BROX: variants seen among roughly 807,000 people sequenced by gnomAD.
BROX encodes BRO1 domain and CAAX motif containing, also known as BRO1 domain-containing protein BROX.
A neutral mutation model predicts 61.0 loss-of-function variants in BROX; 53 were observed. The observed-to-expected ratio is 0.87, with a 90% CI of 0.70 to 1.09. The LOEUF (loss-of-function observed/expected upper bound fraction) is 1.09. Ranked by LOEUF, BROX falls within the 50% of genes least tolerant of loss-of-function variation. The probability of loss-of-function intolerance (pLI) is 0.00; values close to 1 mark genes in which losing one functional copy is unlikely to be tolerated. For missense variants in BROX, 489 were observed against 472.0 expected, an observed-to-expected ratio of 1.04 and a Z score of -0.33; for synonymous variants, 152 against 160.2, an observed-to-expected ratio of 0.95 and a Z score of 0.38.
chr1:222,727,074 A>C, intron 7 of BROX, 94 bp from the exon 8 acceptor site: 2 of 868,562 alleles, frequency 2.3e-6, no homozygotes, highest in Non-Finnish European at 3.7e-6. Context: ...AAAATCCCAG[A>C]GAGATTATCA....
chr1:222,724,184 A>G lies in BROX; in HGVS notation c.474+20A>G. On this transcript the variant is annotated intron_variant, in intron 6 of 12. Transcript: ENST00000340934. ...TTAAAGGTAAAACAAACAAACAAAA[A>G]CCATTATTTGTTCTTAATGCTTTAA... is the stretch of plus-strand genomic sequence containing the variant. 6.3e-7 allele frequency: 1 copy of G among 1,577,408 alleles called. No homozygotes were observed. Among genetic ancestry groups the G allele is most frequent in the Non-Finnish European group, 8.6e-7 (1 of 1,156,080 alleles).
At chr1:222,716,847 G>A (rs940405031) in intron 2 of BROX, among the ~76,000 whole-genome samples, 1 of 152,242 alleles carries the variant, frequency 6.6e-6, no homozygotes, top group African/African-American at 2.4e-5. Flanking sequence ...ATAGTGAGTA[G>A]AGCAGTTTGG....
intron 1 of BROX, among the ~76,000 whole-genome samples, chr1:222,715,432 G>T (rs999844036): frequency 6.6e-6 from 1 of 152,168 alleles, no homozygotes; most frequent in Non-Finnish European, 1.5e-5. Context: ...CTGAGGCCGG[G>T]CGCGGTGGCT....
intron 2 of BROX, among the ~76,000 whole-genome samples, chr1:222,717,707 A>C (rs980013288): frequency 1.3e-5 from 2 of 152,234 alleles, no homozygotes; most frequent in South Asian, 4.1e-4. Context: ...GTACTAATCA[A>C]TAAGACTCAA....
At chr1:222,717,068 G>A (rs1432398778) in intron 2 of BROX, among the ~76,000 whole-genome samples, 1 of 152,158 alleles carries the variant, frequency 6.6e-6, no homozygotes, top group Non-Finnish European at 1.5e-5. Context: ...AGGATAATTG[G>A]CTTATTAATC....
rs147254654 is a variant in BROX, at chr1:222,731,483, A to T, written c.1116A>T (p.Ala372=). The change falls in exon 12 of 13, where the codon GCA becomes GCT. Residue 372 remains alanine (A), a synonymous_variant. Transcript: ENST00000340934. ...AGTGGACACCAGAAACATTGGCTGC[A>T]TTTGATCTCACCAAAAGACCCAAGG... ...SVQWTPETLA[A]FDLTKRPKDD... is the part of the protein sequence containing the mutation. The T allele has an allele frequency of 1.6e-4, 253 of 1,599,728 alleles. No homozygotes were observed. The African/African-American group carries it at 2.6e-3, about 16-fold the overall frequency.
At chr1:222,713,243 C>G in intron 1 of BROX, 1 of 986,338 alleles carries the variant, frequency 1.0e-6, no homozygotes, top group South Asian at 4.5e-5. Flanking sequence ...GGCCACCTCT[C>G]CCGGGTTGAC....
intron 6 of BROX, 130 bp downstream of exon 6, chr1:222,724,294 T>G: frequency 1.4e-6 from 1 of 726,530 alleles, no homozygotes; most frequent in Non-Finnish European, 2.2e-6. Flanking sequence ...TCTGTTTTCC[T>G]TATGTTAAGT....
At chr1:222,728,663 T>C in intron 8 of BROX, 80 bp from the exon 9 acceptor site, 2 of 856,390 alleles carry the variant, frequency 2.3e-6, no homozygotes, top group South Asian at 4.5e-5. Flanking sequence ...TTTCTGCTTT[T>C]ATCATCAGAA....
chr1:222,724,202 T>C (rs763286548), intron 6 of BROX, 38 bp downstream of exon 6: 1 of 1,503,270 alleles, frequency 6.7e-7, no homozygotes, highest in South Asian at 1.2e-5. Context: ...TTGTTCTTAA[T>C]GCTTTAATTC....
Position 222,719,375 on chromosome 1 carries a change from G to C in BROX, c.305+16G>C, listed in dbSNP as rs749554906. 3.9e-6 allele frequency: 6 copies of C among 1,556,606 alleles called. No individual in the cohort carries two copies. Among genetic ancestry groups the C allele is most frequent in the Non-Finnish European group, 1.8e-6 (2 of 1,129,812 alleles). The stretch of plus-strand genomic sequence containing the variant: ...AGGTTCCAAGGTAAGCAACACTAAA[G>C]TAATACTAAATTGGAGCCAGTTTTT... On this transcript the variant is annotated intron_variant, in intron 4 of 12. Coordinates refer to ENST00000340934, the MANE Select transcript of BROX (RefSeq NM_144695.4).
At chr1:222,731,040 T>G (rs1250454430) in intron 11 of BROX, among the ~76,000 whole-genome samples, 5 of 152,132 alleles carry the variant, frequency 3.3e-5, no homozygotes, top group Admixed American at 3.3e-4. Context: ...ATATTCTTCA[T>G]CTAGTCATAA....
chr1:222,719,453 AT>A, intron 4 of BROX, 94 bp downstream of exon 4: 1 of 855,556 alleles, frequency 1.2e-6, no homozygotes, highest in Non-Finnish European at 1.9e-6. Flanking sequence ...GAGAAGAAAA[AT>A]ACAGGTCTGC....
chr1:222,713,257 A>G, intron 1 of BROX: 1 of 986,128 alleles, frequency 1.0e-6, no homozygotes, highest in Middle Eastern at 5.2e-4. Flanking sequence ...GGTTGACAGT[A>G]TCGGCTTTCC....
intron 5 of BROX, 98 bp from the exon 6 acceptor site, chr1:222,723,994 T>A: frequency 1.2e-6 from 1 of 817,984 alleles, no homozygotes; most frequent in East Asian, 2.7e-5. Flanking sequence ...GTGAGAAACA[T>A]AAATGACTAC....
chr1:222,726,500 T>C (rs1226898525), intron 7 of BROX, among the ~76,000 whole-genome samples: 1 of 152,144 alleles, frequency 6.6e-6, no homozygotes, highest in African/African-American at 2.4e-5. Flanking sequence ...GCAGATCACC[T>C]GAGGTTGGGA....
In BROX at chr1:222,718,968, G is replaced by A. The variant is rs1425057015; in HGVS notation, c.145G>A (p.Asp49Asn). The A allele has an allele frequency of 3.7e-6, 6 of 1,613,888 alleles. No individual in the cohort carries two copies. Among genetic ancestry groups the A allele is most frequent in the Non-Finnish European group, 5.1e-6 (6 of 1,179,900 alleles). Residue 49 changes from aspartate (D) to asparagine (N), a missense_variant, in exon 3 of 13, where the codon GAT becomes AAT. By Grantham distance (23) the Asp-to-Asn change is conservative (BLOSUM62 1). Transcript: ENST00000340934. ...SRARLLELFT[D>N]LSCNPEMMKN... ...GGCACGACTCCTTGAACTGTTCACT[G>A]ATTTGAGCTGTAATCCAGAAATGAT...
At chr1:222,723,976 A>C (rs1349645419) in intron 5 of BROX, 116 bp from the exon 6 acceptor site, 1 of 713,018 alleles carries the variant, frequency 1.4e-6, no homozygotes, top group East Asian at 2.9e-5. Flanking sequence ...AAAGGAAGAA[A>C]ATTAGCAGTG....
chr1:222,728,637 GA>G, intron 8 of BROX, 105 bp from the exon 9 acceptor site: 1 of 622,952 alleles, frequency 1.6e-6, no homozygotes, highest in East Asian at 2.7e-5. Context: ...TTGAGTTTTA[GA>G]CTTGAATGGC....
Sources: gnomAD v4.1 joint callset for allele counts (sites outside exome capture counted in the v4.1 genomes callset) on GRCh38, gnomAD v4.1.1 for gene constraint, MANE v1.5 for transcripts, NCBI Gene and HGNC (gene_info 2026-07-23, HGNC 2026-07-21) for gene names.